WHAMM: variants seen among roughly 807,000 people sequenced by gnomAD.
WHAMM encodes the protein WASP homolog-associated protein with actin, membranes and microtubules.
Under a neutral mutation model 76.5 loss-of-function variants are expected in WHAMM, and 67 were observed. The observed-to-expected ratio is 0.88, with a 90% CI of 0.72 to 1.07. The LOEUF is 1.07. Ranked by LOEUF, WHAMM falls within the 50% of genes least tolerant of loss-of-function variation. WHAMM has a pLI of 0.00. For missense variants in WHAMM, 1,021 were observed against 1,051.1 expected, an observed-to-expected ratio of 0.97 and a Z score of 0.40; for synonymous variants, 419 against 422.1, an observed-to-expected ratio of 0.99 and a Z score of 0.09.
At chr15:82,813,760 G>A (rs749751023) in intron 2 of WHAMM, among the ~76,000 whole-genome samples, 7 of 141,962 alleles carry the variant, frequency 4.9e-5, no homozygotes, top group South Asian at 4.7e-4. Context: ...AGGTTCAAGC[G>A]ACTCTTCTGT....
chr15:82,810,619 G>A (rs2050612541), intron 1 of WHAMM: 1 of 985,354 alleles, frequency 1.0e-6, no homozygotes, highest in African/African-American at 1.7e-5. Flanking sequence ...GATGCTGGCA[G>A]AGCAGGATGT....
chr15:82,814,525 A>G (rs1480430742), intron 2 of WHAMM, among the ~76,000 whole-genome samples: 1 of 152,086 alleles, frequency 6.6e-6, no homozygotes, highest in Admixed American at 6.6e-5. Context: ...GTCTCAGCTC[A>G]TCGCAACCTC....
rs777294199 is a variant in WHAMM, at chr15:82,830,696, C to T, written c.1739C>T (p.Ser580Phe). 1.2e-5 allele frequency: 20 copies of T among 1,613,864 alleles called. No individual in the cohort carries two copies. The highest frequency in any genetic ancestry group is 1.6e-5 in the Non-Finnish European group (19 of 1,179,896). The change falls in exon 9 of 10, where the codon TCC becomes TTC. Residue 580 changes from serine (S) to phenylalanine (F), a missense_variant. Around this residue, in one of 3 missense-constraint regions of WHAMM, gnomAD observed 509 missense variants for 492.3 expected, o/e 1.03. Transcript: ENST00000286760. Reference sequence around the variant, plus strand: ...TCCCAGCAGATGTGCTTGCCAGCTTCCCACGCGGTGTCAGTAATTCACCCG... The same window carrying T: ...TCCCAGCAGATGTGCTTGCCAGCTTTCCACGCGGTGTCAGTAATTCACCCG... ...DLSQQMCLPA[S>F]HAVSVIHPSS... is the part of the protein sequence containing the mutation.
rs759991800 is a variant in WHAMM at position 82,810,341 on chromosome 15, C to T, written c.609+6C>T. 20 of 1,306,404 alleles carry T rather than the reference C, an allele frequency of 1.5e-5. No homozygotes were observed. The highest frequency in any genetic ancestry group is 1.8e-5 in the Non-Finnish European group (19 of 1,032,574). The allele number at this position is 1,306,404 out of a possible 1,614,324, so 80.9% of individuals were successfully genotyped here. ...CGGACGCGCGGCTGCGCCAGGTAAGCGAGGCCCGGTCGCCGGCGTTCGTCC... is the reference window on the plus strand; with the variant it reads ...CGGACGCGCGGCTGCGCCAGGTAAGTGAGGCCCGGTCGCCGGCGTTCGTCC... On this transcript the variant is annotated splice_donor_region_variant and intron_variant, in intron 1 of 9. Coordinates refer to ENST00000286760, the MANE Select transcript of WHAMM (RefSeq NM_001080435.3).
chr15:82,813,298 A>G lies in WHAMM; in HGVS notation c.783+22A>G, dbSNP rs968682946. On this transcript the variant is annotated intron_variant, in intron 2 of 9. Transcript: ENST00000286760. ...TTTGGTATGTTTTTTTAAAATTTTT[A>G]CTTTATCAGATTTACTATTTGTCAT... 3 of 1,477,094 alleles carry G rather than the reference A, an allele frequency of 2.0e-6. No homozygotes were observed. In the African/African-American group the frequency reaches 4.3e-5, roughly 21 times the overall value. The allele number at this position is 1,477,094 out of a possible 1,614,324, so 91.5% of individuals were successfully genotyped here. A position where few individuals can be genotyped will look rare whatever the true frequency, so the allele number is the denominator to read the frequency against.
intron 6 of WHAMM, among the ~76,000 whole-genome samples, chr15:82,825,513 A>G (rs1001342123): frequency 6.6e-6 from 1 of 152,228 alleles, no homozygotes; most frequent in African/African-American, 2.4e-5. Flanking sequence ...CTCAGTTAAT[A>G]GAATGGTAGT....
chr15:82,813,923 G>A lies in WHAMM; in HGVS notation c.783+647G>A, dbSNP rs554187978. Among the ~76,000 whole-genome samples the A allele has an allele frequency of 8.5e-5, 13 of 152,150 alleles. No individual in the cohort carries two copies. The South Asian group carries it at 2.3e-3, about 27-fold the overall frequency. On this transcript the variant is annotated intron_variant, in intron 2 of 9. Coordinates refer to ENST00000286760, the MANE Select transcript of WHAMM (RefSeq NM_001080435.3). ...GAGCTACCCATCTCAGCCTCCCAAA[G>A]TGCTGGGATTACAAGCATGAGCCAC...
At chr15:82,815,780 C>T (rs527973330) in intron 2 of WHAMM, among the ~76,000 whole-genome samples, 50 of 152,218 alleles carry the variant, frequency 3.3e-4, no homozygotes, top group Non-Finnish European at 5.3e-4. Flanking sequence ...AGTGGTATCT[C>T]GTTATGGTTT....
rs2050590906 is a variant in WHAMM at position 82,809,697 on chromosome 15, C to T, written c.-30C>T. 3 of 1,356,720 alleles carry T rather than the reference C, an allele frequency of 2.2e-6. No individual in the cohort carries two copies. The highest frequency in any genetic ancestry group is 2.9e-6 in the Non-Finnish European group (3 of 1,045,938). The allele number at this position is 1,356,720 out of a possible 1,614,324, so 84.0% of individuals were successfully genotyped here. ...GCGAGGAGGCCAGGCCCGCGCCCGC[C>T]GAGCCCTAGGGCCGCTGCTGCCGAC... is the stretch of plus-strand genomic sequence containing the variant. On this transcript the variant is annotated 5_prime_UTR_variant, in exon 1 of 10. Transcript: ENST00000286760.
At chr15:82,826,555 A>G in intron 7 of WHAMM, 59 bp downstream of exon 7, 2 of 1,593,118 alleles carry the variant, frequency 1.3e-6, no homozygotes, top group South Asian at 2.2e-5. Flanking sequence ...GCAGGCCTAG[A>G]CTTGTGGAAA....
intron 1 of WHAMM, among the ~76,000 whole-genome samples, chr15:82,811,527 A>G (rs1301980378): frequency 6.6e-6 from 1 of 152,228 alleles, no homozygotes; most frequent in African/African-American, 2.4e-5. Context: ...GGGGTACTAT[A>G]GCATGAATGT....
intron 9 of WHAMM, among the ~76,000 whole-genome samples, chr15:82,831,385 T>C (rs2051030716): frequency 6.6e-6 from 1 of 152,364 alleles, no homozygotes; most frequent in East Asian, 1.9e-4. Context: ...TTCTTAAGAC[T>C]TCAGTATGTA....
In WHAMM at chr15:82,834,025, C is replaced by T. The variant is rs12915294; in HGVS notation, c.*489C>T. ...AAGTGCTGGGATTACAGGTGTGAGCCACCACGCCCAGCCTTTTTTTTTTCT... is the reference window on the plus strand; with the variant it reads ...AAGTGCTGGGATTACAGGTGTGAGCTACCACGCCCAGCCTTTTTTTTTTCT... On this transcript the variant is annotated 3_prime_UTR_variant, in exon 10 of 10. Transcript: ENST00000286760. The T allele has an allele frequency of 0.17, 26,165 of 154,558 alleles. 2,542 individuals carry two copies. Among genetic ancestry groups the T allele is most frequent in the Middle Eastern group, 0.23 (69 of 300 alleles). The allele number at this position is 154,558 out of a possible 1,614,324, so 9.6% of individuals were successfully genotyped here.
In WHAMM at chr15:82,813,159, A is replaced by G. The variant is rs746212644; in HGVS notation, c.666A>G (p.Gln222=). ...TGGTAGCATTAATGAACGTTTACCA[A>G]GAGGAAGATGAAGCATACCAGGAAT... ...NTMVALMNVY[Q]EEDEAYQELV... is the part of the protein sequence containing the mutation. The change falls in exon 2 of 10, where the codon CAA becomes CAG. Residue 222 remains glutamine (Q), a synonymous_variant. Transcript: ENST00000286760. The G allele has an allele frequency of 1.9e-6, 3 of 1,610,382 alleles. No homozygotes were observed. In the South Asian group the frequency reaches 3.3e-5, roughly 18 times the overall value.
intron 2 of WHAMM, among the ~76,000 whole-genome samples, chr15:82,813,750 A>G (rs2050672814): frequency 7.5e-6 from 1 of 133,656 alleles, no homozygotes; most frequent in Non-Finnish European, 1.5e-5. Context: ...AACCTCCTCC[A>G]GGTTCAAGCG....
At position 82,833,620 on chromosome 15, in the gene WHAMM, G is replaced by T; in HGVS notation, c.*84G>T. 1.4e-6 allele frequency: 2 copies of T among 1,422,076 alleles called. No individual in the cohort carries two copies. The highest frequency in any genetic ancestry group is 4.8e-5 in the East Asian group (2 of 41,260). 88.1% of individuals were successfully genotyped at this position (1,422,076 alleles called of 1,614,324 possible). The stretch of plus-strand genomic sequence containing the variant: ...GACCTATCGAAAAGCATACTAACAG[G>T]GTGCTGATAGATGGGCCACATAACA... On this transcript the variant is annotated 3_prime_UTR_variant, in exon 10 of 10. Coordinates refer to ENST00000286760, the MANE Select transcript of WHAMM (RefSeq NM_001080435.3).
Position 82,833,439 on chromosome 15 carries a change from A to C in WHAMM, c.2333A>C (p.Glu778Ala). 6.2e-7 allele frequency: 1 copy of C among 1,614,032 alleles called. No homozygotes were observed. Among genetic ancestry groups the C allele is most frequent in the Non-Finnish European group, 8.5e-7 (1 of 1,179,898 alleles). ...AGCAACAGACGCACCAGTGACCTTG[A>C]GAGGAGCATCAAGGCTGCGCTCCAG... ...PTSNRRTSDL[E>A]RSIKAALQRI... The change falls in exon 10 of 10, where the codon GAG becomes GCG. Residue 778 changes from glutamate (E) to alanine (A), a missense_variant. By Grantham distance (107) the Glu-to-Ala change is moderately radical (BLOSUM62 -1). This residue lies in a region of WHAMM where 509 missense variants were observed against 492.3 expected (regional missense o/e 1.03). Coordinates refer to ENST00000286760, the MANE Select transcript of WHAMM (RefSeq NM_001080435.3).
In WHAMM at chr15:82,826,731, A is replaced by G; in HGVS notation, c.1546-20A>G. 6.5e-7 allele frequency: 1 copy of G among 1,533,176 alleles called. No homozygotes were observed. Among genetic ancestry groups the G allele is most frequent in the Non-Finnish European group, 8.8e-7 (1 of 1,142,518 alleles). The allele number at this position is 1,533,176 out of a possible 1,614,324, so 95.0% of individuals were successfully genotyped here. On this transcript the variant is annotated intron_variant, in intron 7 of 9. Transcript: ENST00000286760. ...TTGTAATGTTGAGCAATTTACAAAT[A>G]TACATTTGTTTAAATATAGAAAAGA...
At chr15:82,822,188 A>G (rs924215383) in intron 5 of WHAMM, among the ~76,000 whole-genome samples, 3 of 152,230 alleles carry the variant, frequency 2.0e-5, no homozygotes, top group Non-Finnish European at 1.5e-5. Flanking sequence ...TCAAGATTAT[A>G]TATGACTAAG....
Sources: allele counts gnomAD v4.1 joint callset (sites outside exome capture counted in the v4.1 genomes callset), GRCh38; gene constraint gnomAD v4.1.1; regional missense constraint gnomAD v4.1.1; transcripts MANE v1.5; gene names NCBI Gene and HGNC (gene_info 2026-07-23, HGNC 2026-07-21).